BAZ1B: variants seen among roughly 807,000 people sequenced by gnomAD.
BAZ1B encodes the protein bromodomain adjacent to zinc finger domain 1B, also known as tyrosine-protein kinase BAZ1B.
Under a neutral mutation model 153.8 loss-of-function variants are expected in BAZ1B, and 22 were observed. That is an observed-to-expected ratio of 0.14 (90% CI 0.10 to 0.20). The LOEUF is 0.20. Ranked by LOEUF, BAZ1B falls within the 10% of genes least tolerant of loss-of-function variation. The pLI is 1.00. For synonymous variants in BAZ1B, 676 were observed against 633.4 expected (o/e 1.07, Z -1.01); for missense variants, 1,325 against 1,799.3 (o/e 0.74, Z 4.77).
At chr7:73,515,144 C>G (rs1367580418) in intron 1 of BAZ1B, among the ~76,000 whole-genome samples, 3 of 152,200 alleles carry the variant, frequency 2.0e-5, no homozygotes, top group Non-Finnish European at 4.4e-5. Context: ...CAAGAATATA[C>G]AGTCCTCTAT....
At chr7:73,500,017 T>C (rs1790061954) in intron 3 of BAZ1B, among the ~76,000 whole-genome samples, 1 of 152,160 alleles carries the variant, frequency 6.6e-6, no homozygotes. Flanking sequence ...TTTTGTTATG[T>C]TGCCGAGTCT....
Position 73,449,583 on chromosome 7 carries a change from T to A in BAZ1B, c.3687A>T (p.Pro1229=). ...YEVPDGEWQC[P]ACQPATARRN... ...GCCTGGCAGTAGCGGGCTGGCAAGC[T>A]GGGCACTGCCACTCACCATCTGGTA... Residue 1229 remains proline, a synonymous_variant, in exon 15 of 20, where the codon CCA becomes CCT. Transcript: ENST00000339594. 6.2e-7 allele frequency: 1 copy of A among 1,614,036 alleles called. No homozygotes were observed. Among genetic ancestry groups the A allele is most frequent in the East Asian group, 2.2e-5 (1 of 44,890 alleles).
intron 1 of BAZ1B, among the ~76,000 whole-genome samples, chr7:73,518,638 G>C (rs1790910714): frequency 6.6e-6 from 1 of 151,860 alleles, no homozygotes; most frequent in Admixed American, 6.6e-5. Flanking sequence ...TCCGGTTCAA[G>C]GCTTCCCTGT....
chr7:73,473,546 C>A (rs935404333), intron 7 of BAZ1B, among the ~76,000 whole-genome samples: 9 of 152,044 alleles, frequency 5.9e-5, no homozygotes, highest in African/African-American at 2.2e-4. Context: ...GAGCGACGCT[C>A]TGTATCCAAA....
At chr7:73,513,457 T>C (rs908161288) in intron 1 of BAZ1B, among the ~76,000 whole-genome samples, 30 of 152,276 alleles carry the variant, frequency 2.0e-4, no homozygotes, top group Non-Finnish European at 3.7e-4. Flanking sequence ...ATCTAAGTGA[T>C]TAAACAAAAT....
intron 15 of BAZ1B, among the ~76,000 whole-genome samples, chr7:73,448,028 G>A (rs1787900937): frequency 6.6e-6 from 1 of 152,122 alleles, no homozygotes; most frequent in Non-Finnish European, 1.5e-5. Flanking sequence ...GCCCAGGCCG[G>A]GCACCGTGGC....
At chr7:73,457,083 A>AC (rs1391556752) in intron 13 of BAZ1B, among the ~76,000 whole-genome samples, 1 of 151,904 alleles carries the variant, frequency 6.6e-6, no homozygotes, top group African/African-American at 2.4e-5. Flanking sequence ...TCAAAAAGTT[A>AC]AACACTGAAT....
intron 1 of BAZ1B, among the ~76,000 whole-genome samples, chr7:73,514,582 C>T (rs182079809): frequency 2.7e-5 from 4 of 150,086 alleles, no homozygotes; most frequent in East Asian, 2.0e-4. Context: ...GGCCCAGGCA[C>T]GAACATCGCT....
intron 3 of BAZ1B, 124 bp downstream of exon 3, chr7:73,508,203 T>C: frequency 1.9e-6 from 2 of 1,078,108 alleles, no homozygotes; most frequent in Non-Finnish European, 2.6e-6. Flanking sequence ...AAAGTATTAA[T>C]ACTTAACATT....
intron 1 of BAZ1B, among the ~76,000 whole-genome samples, chr7:73,521,577 C>T (rs1406273830): frequency 6.6e-6 from 1 of 152,030 alleles, no homozygotes; most frequent in Admixed American, 6.5e-5. Context: ...GGCCCCGGGA[C>T]AAAGTGCGGG....
chr7:73,506,317 T>G (rs1280503502), intron 3 of BAZ1B, among the ~76,000 whole-genome samples: 1 of 150,612 alleles, frequency 6.6e-6, no homozygotes, highest in Non-Finnish European at 1.5e-5. Context: ...GCTAACACAG[T>G]GAAACCCCGT....
At chr7:73,497,523 T>C (rs370457873) in intron 4 of BAZ1B, among the ~76,000 whole-genome samples, 12 of 151,870 alleles carry the variant, frequency 7.9e-5, no homozygotes, top group East Asian at 1.9e-4. Flanking sequence ...TAGCAAATGA[T>C]AGACTAGTAT....
At chr7:73,520,154 A>G (rs998958635) in intron 1 of BAZ1B, among the ~76,000 whole-genome samples, 5 of 150,198 alleles carry the variant, frequency 3.3e-5, no homozygotes, top group Non-Finnish European at 7.4e-5. Context: ...GATGGCAGTG[A>G]GCCCAGATCG....
At chr7:73,475,822 G>A (rs1384934966) in intron 7 of BAZ1B, among the ~76,000 whole-genome samples, 1 of 151,834 alleles carries the variant, frequency 6.6e-6, no homozygotes, top group Non-Finnish European at 1.5e-5. Context: ...TACTCGGGAG[G>A]CTGAGGCAGG....
intron 6 of BAZ1B, among the ~76,000 whole-genome samples, chr7:73,480,179 G>A (rs1789149356): frequency 6.6e-6 from 1 of 151,046 alleles, no homozygotes; most frequent in African/African-American, 2.4e-5. Flanking sequence ...AAAAAAGTGA[G>A]TGGTCTCACT....
At chr7:73,467,224 G>A (rs1442306916) in intron 9 of BAZ1B, among the ~76,000 whole-genome samples, 1 of 151,750 alleles carries the variant, frequency 6.6e-6, no homozygotes, top group East Asian at 1.9e-4. Context: ...GAGCTACCAC[G>A]CCCGGCCAGT....
intron 1 of BAZ1B, among the ~76,000 whole-genome samples, chr7:73,517,510 A>G (rs1359189338): frequency 1.3e-5 from 2 of 152,140 alleles, no homozygotes; most frequent in Non-Finnish European, 2.9e-5. Flanking sequence ...AAATAAATGA[A>G]TAAGAAAAAA....
At chr7:73,490,710 A>G (rs888372716) in intron 5 of BAZ1B, among the ~76,000 whole-genome samples, 17 of 151,256 alleles carry the variant, frequency 1.1e-4, no homozygotes, top group Non-Finnish European at 1.9e-4. Flanking sequence ...GGTTCAAGCT[A>G]TTCTCCTGCC....
chr7:73,484,466 C>G (rs1194327625), intron 6 of BAZ1B, among the ~76,000 whole-genome samples: 4 of 151,972 alleles, frequency 2.6e-5, no homozygotes, highest in Non-Finnish European at 5.9e-5. Context: ...TGGCGAGACC[C>G]TGTCTCTTCA....
Sources: allele counts gnomAD v4.1 joint callset (sites outside exome capture counted in the v4.1 genomes callset), GRCh38; gene constraint gnomAD v4.1.1; transcripts MANE v1.5; gene names NCBI Gene and HGNC (gene_info 2026-07-23, HGNC 2026-07-21).